The following ZNF385D variants were observed in gnomAD, a reference collection of about 807,000 sequenced individuals.
The protein encoded by ZNF385D is zinc finger protein 659.
Under a neutral mutation model 35.8 loss-of-function variants are expected in ZNF385D, and 15 were observed. The ratio of observed to expected loss-of-function variants is 0.42; its 90% CI spans 0.28 to 0.64. The LOEUF (loss-of-function observed/expected upper bound fraction) is 0.64, where lower values mean the gene tolerates loss of function less well. Among genes scored for constraint, ZNF385D ranks in the 30% least tolerant of loss-of-function variants. The pLI is 0.23. For missense variants in ZNF385D, 474 were observed against 494.6 expected (o/e 0.96, Z 0.39); for synonymous variants, 212 against 186.8 (o/e 1.13, Z -1.10).
intron 2 of ZNF385D, among the ~76,000 whole-genome samples, chr3:22,316,495 T>C (rs1703894037): frequency 1.3e-5 from 2 of 152,104 alleles, no homozygotes. Context: ...AAAAGGTAAA[T>C]TTTTCCCCAA....
At chr3:22,155,327 G>A (rs1380734994) in intron 3 of ZNF385D, among the ~76,000 whole-genome samples, 2 of 151,956 alleles carry the variant, frequency 1.3e-5, no homozygotes, top group Non-Finnish European at 2.9e-5. Context: ...CATCAGAAAT[G>A]AAATGAATTA....
chr3:22,179,538 A>T (rs975145738), intron 2 of ZNF385D, among the ~76,000 whole-genome samples: 1 of 152,242 alleles, frequency 6.6e-6, no homozygotes, highest in African/African-American at 2.4e-5. Context: ...GCAAACAGGG[A>T]CAATCTGACT....
chr3:21,950,995 G>A (rs1348328482), intron 3 of ZNF385D, among the ~76,000 whole-genome samples: 1 of 151,646 alleles, frequency 6.6e-6, no homozygotes, highest in East Asian at 1.9e-4. Context: ...CTCCAGCTTT[G>A]TTCTTTTTGC....
intron 3 of ZNF385D, among the ~76,000 whole-genome samples, chr3:22,070,630 T>G (rs1700184039): frequency 6.6e-6 from 1 of 152,094 alleles, no homozygotes; most frequent in African/African-American, 2.4e-5. Context: ...GAAAGTACTA[T>G]AGTAAGTCCA....
At chr3:21,882,685 A>G (rs543445289) in intron 3 of ZNF385D, among the ~76,000 whole-genome samples, 22 of 152,130 alleles carry the variant, frequency 1.4e-4, no homozygotes, top group African/African-American at 4.1e-4. Context: ...TTATAGTTTG[A>G]GAAGCAATGC....
At chr3:22,258,603 GT>G (rs759960305) in intron 2 of ZNF385D, among the ~76,000 whole-genome samples, 7 of 151,578 alleles carry the variant, frequency 4.6e-5, no homozygotes, top group Non-Finnish European at 1.0e-4. Context: ...TACTGCAGAA[GT>G]TTTCAAACTT....
At chr3:22,164,247 T>TTTTTTTTTTTTTTTTTTTTTTTG (rs1348547943) in intron 3 of ZNF385D, among the ~76,000 whole-genome samples, 5 of 93,486 alleles carry the variant, frequency 5.3e-5, no homozygotes, top group African/African-American at 3.0e-4. Flanking sequence ...TTTTTTTTTT[T>TTTTTTTTTTTTTTTTTTTTTTTG]GAGACGGGGT....
intron 3 of ZNF385D, among the ~76,000 whole-genome samples, chr3:21,891,341 TAC>T (rs1394839407): frequency 6.6e-6 from 1 of 152,070 alleles, no homozygotes; most frequent in African/African-American, 2.4e-5. Context: ...TATAAAAAAA[TAC>T]ATTTTGATAC....
intron 3 of ZNF385D, among the ~76,000 whole-genome samples, chr3:21,518,426 G>A (rs1305951844): frequency 6.6e-6 from 1 of 151,980 alleles, no homozygotes; most frequent in Non-Finnish European, 1.5e-5. Context: ...ATTGTCGCAG[G>A]ACAATTCCTG....
chr3:21,754,950 G>A (rs1212706232), upstream of ZNF385D, among the ~76,000 whole-genome samples: 1 of 152,200 alleles, frequency 6.6e-6, no homozygotes, highest in Admixed American at 6.5e-5. Context: ...AGTTCTTTGA[G>A]GTTGGTTGTG....
chr3:22,079,941 T>TATAG (rs754891696), intron 3 of ZNF385D, among the ~76,000 whole-genome samples: 1 of 151,938 alleles, frequency 6.6e-6, no homozygotes, highest in Non-Finnish European at 1.5e-5. Context: ...TACATATGTA[T>TATAG]ATAGATAGAT....
At chr3:22,221,789 A>C (rs900672224) in intron 2 of ZNF385D, among the ~76,000 whole-genome samples, 1 of 152,164 alleles carries the variant, frequency 6.6e-6, no homozygotes, top group African/African-American at 2.4e-5. Flanking sequence ...AATTAAAACT[A>C]AATTTAAATT....
At chr3:21,709,941 G>A (rs9858811) in intron 1 of ZNF385D, among the ~76,000 whole-genome samples, 123,741 of 152,146 alleles carry the variant, frequency 0.81, 51,407 homozygotes, top group Non-Finnish European at 0.91. Flanking sequence ...ACACCCATAC[G>A]TGGAATTCTT....
chr3:21,500,187 T>C (rs1030370811), intron 4 of ZNF385D, among the ~76,000 whole-genome samples: 1 of 152,226 alleles, frequency 6.6e-6, no homozygotes, highest in Non-Finnish European at 1.5e-5. Flanking sequence ...TAGTTAAATG[T>C]AATAAAGTTC....
intron 3 of ZNF385D, among the ~76,000 whole-genome samples, chr3:22,083,054 C>T (rs1173490943): frequency 2.0e-5 from 3 of 152,196 alleles, no homozygotes; most frequent in Non-Finnish European, 2.9e-5. Flanking sequence ...AGGACATTCA[C>T]ACCAAATCCT....
intron 1 of ZNF385D, among the ~76,000 whole-genome samples, chr3:21,682,215 T>TTCAATAACGGAACCCTTTAAAAA (rs1553636604): frequency 1.0e-3 from 157 of 151,072 alleles, no homozygotes; most frequent in East Asian, 1.8e-3. Flanking sequence ...GTTTTTAGTT[T>TTCAATAACGGAACCCTTTAAAAA]AGCTTTGTCC....
intron 2 of ZNF385D, among the ~76,000 whole-genome samples, chr3:21,600,686 CACAG>C (rs755491300): frequency 4.6e-5 from 7 of 151,166 alleles, no homozygotes; most frequent in South Asian, 4.2e-4. Flanking sequence ...CAAAAAAACA[CACAG>C]AGAGAGAGGA....
At chr3:21,881,962 A>T (rs1308937842) in intron 3 of ZNF385D, among the ~76,000 whole-genome samples, 1 of 152,054 alleles carries the variant, frequency 6.6e-6, no homozygotes, top group South Asian at 2.1e-4. Flanking sequence ...GAGTTGTTGC[A>T]ATCTCAAAAT....
chr3:21,601,927 A>C (rs1005368027), intron 2 of ZNF385D, among the ~76,000 whole-genome samples: 9 of 152,188 alleles, frequency 5.9e-5, no homozygotes, highest in Admixed American at 2.0e-4. Context: ...TCCATATTTT[A>C]TGTTCAGAGA....
Sources: gnomAD v4.1 joint callset for allele counts (sites outside exome capture counted in the v4.1 genomes callset) on GRCh38, gnomAD v4.1.1 for gene constraint, MANE v1.5 for transcripts, NCBI Gene and HGNC (gene_info 2026-07-23, HGNC 2026-07-21) for gene names.